Variants in CDH13 observed in about 807,000 individuals in gnomAD.
CDH13 encodes the protein cadherin 13.
A neutral mutation model predicts 63.8 loss-of-function variants in CDH13; 24 were observed. The ratio of observed to expected loss-of-function variants is 0.38; its 90% CI spans 0.27 to 0.53. The LOEUF (loss-of-function observed/expected upper bound fraction) is 0.53, where lower values mean the gene tolerates loss of function less well. Among genes scored for constraint, CDH13 ranks in the 20% least tolerant of loss-of-function variants. The pLI is 0.85. For missense variants in CDH13, 1,049 were observed against 903.1 expected (o/e 1.16, Z -2.07); for synonymous variants, 503 against 355.3 (o/e 1.42, Z -4.67).
chr16:83,180,263 T>C (rs989696257), intron 4 of CDH13, among the ~76,000 whole-genome samples: 4 of 152,212 alleles, frequency 2.6e-5, no homozygotes, highest in Non-Finnish European at 5.9e-5. Flanking sequence ...GGTAACTTTA[T>C]TTTTGCTATT....
intron 3 of CDH13, among the ~76,000 whole-genome samples, chr16:83,035,998 G>C (rs1371678576): frequency 1.3e-5 from 2 of 152,130 alleles, no homozygotes; most frequent in Admixed American, 6.5e-5. Context: ...AGCTGTTACT[G>C]TTACTGGTGC....
chr16:82,695,503 C>T (rs1389785022), intron 1 of CDH13, among the ~76,000 whole-genome samples: 1 of 152,164 alleles, frequency 6.6e-6, no homozygotes, highest in African/African-American at 2.4e-5. Context: ...AAGGACTTCA[C>T]CTCTTGTCTG....
At chr16:82,704,919 A>G in intron 1 of CDH13, 2 of 330,734 alleles carry the variant, frequency 6.0e-6, no homozygotes, top group Admixed American at 4.2e-5. Flanking sequence ...GTTAATTGTA[A>G]CAAATCAAGC....
intron 3 of CDH13, among the ~76,000 whole-genome samples, chr16:83,070,515 T>G (rs1168319083): frequency 6.6e-6 from 1 of 152,216 alleles, no homozygotes. Flanking sequence ...TCCATTCTTT[T>G]TAATAGCCTT....
chr16:83,145,210 G>T (rs1458975314), intron 4 of CDH13, among the ~76,000 whole-genome samples: 1 of 152,188 alleles, frequency 6.6e-6, no homozygotes, highest in Non-Finnish European at 1.5e-5. Context: ...GCCATGAGCT[G>T]CAACGCCACC....
chr16:82,966,365 T>C, intron 2 of CDH13, among the ~76,000 whole-genome samples: 1 of 152,080 alleles, frequency 6.6e-6, no homozygotes, highest in Non-Finnish European at 1.5e-5. Context: ...GCTAGGATGG[T>C]CTCGATTTCC....
At chr16:83,236,238 C>CACACACAA (rs1491457062) in intron 5 of CDH13, among the ~76,000 whole-genome samples, 8 of 100 alleles carry the variant, frequency 0.08, no homozygotes, top group East Asian at 0.5. Context: ...CACGCACATG[C>CACACACAA]ACACACACAC....
chr16:83,124,276 C>G (rs985835090), intron 3 of CDH13, among the ~76,000 whole-genome samples: 1 of 152,140 alleles, frequency 6.6e-6, no homozygotes, highest in African/African-American at 2.4e-5. Context: ...GAACTCCTGA[C>G]CTCAGGAGAT....
intron 5 of CDH13, among the ~76,000 whole-genome samples, chr16:83,277,419 G>A (rs2089026937): frequency 6.6e-6 from 1 of 152,032 alleles, no homozygotes; most frequent in Admixed American, 6.6e-5. Context: ...TGGGGCCCAG[G>A]GAATCTGCAT....
At chr16:83,623,858 C>T (rs78867463) in intron 8 of CDH13, among the ~76,000 whole-genome samples, 1,829 of 152,316 alleles carry the variant, frequency 0.012, 45 homozygotes, top group African/African-American at 0.042. Context: ...AATCAGTTAG[C>T]GGAAGCCTAA....
At chr16:83,489,168 T>C (rs1048282927) in intron 7 of CDH13, among the ~76,000 whole-genome samples, 3 of 152,242 alleles carry the variant, frequency 2.0e-5, no homozygotes. Context: ...TAAGTCTCTA[T>C]TTATAAATCA....
chr16:83,625,262 G>A (rs1329598367), intron 8 of CDH13, among the ~76,000 whole-genome samples: 1 of 151,956 alleles, frequency 6.6e-6, no homozygotes, highest in Non-Finnish European at 1.5e-5. Flanking sequence ...CCAAAATGAC[G>A]GACCCTGTGT....
intron 4 of CDH13, among the ~76,000 whole-genome samples, chr16:83,215,136 G>C (rs1187999642): frequency 7.8e-6 from 1 of 128,106 alleles, no homozygotes. Flanking sequence ...GAGTGCAGTG[G>C]AGCAATCCCA....
At chr16:83,182,065 C>T (rs538975640) in intron 4 of CDH13, among the ~76,000 whole-genome samples, 1 of 152,182 alleles carries the variant, frequency 6.6e-6, no homozygotes, top group Non-Finnish European at 1.5e-5. Context: ...TGTGCATTGT[C>T]TGGTACTCAG....
chr16:83,528,552 C>T (rs764254002), intron 7 of CDH13, among the ~76,000 whole-genome samples: 8 of 152,082 alleles, frequency 5.3e-5, no homozygotes, highest in Non-Finnish European at 1.2e-4. Flanking sequence ...CACTTATCTT[C>T]ATGTATATAT....
At chr16:82,866,813 C>G (rs918557961) in intron 2 of CDH13, among the ~76,000 whole-genome samples, 5 of 152,154 alleles carry the variant, frequency 3.3e-5, no homozygotes, top group African/African-American at 9.6e-5. Context: ...GGGAAGAGCC[C>G]TTTATAAAAC....
At chr16:83,338,919 G>A (rs978319271) in intron 5 of CDH13, among the ~76,000 whole-genome samples, 1 of 152,198 alleles carries the variant, frequency 6.6e-6, no homozygotes, top group Non-Finnish European at 1.5e-5. Context: ...TTTTTCCTAA[G>A]AGTGATGAGA....
intron 4 of CDH13, among the ~76,000 whole-genome samples, chr16:83,179,577 G>A (rs1029019803): frequency 1.3e-5 from 2 of 151,698 alleles, no homozygotes; most frequent in African/African-American, 2.4e-5. Flanking sequence ...GAGTGAACCC[G>A]GGAGGTGGAG....
Position 83,760,042 on chromosome 16 carries a change from C to A in CDH13, c.1681+11792C>A, listed in dbSNP as rs148909647. Among the ~76,000 whole-genome samples, 500 of 150,584 alleles carry A rather than the reference C, an allele frequency of 3.3e-3. 3 individuals carry two copies. Among genetic ancestry groups the A allele is most frequent in the African/African-American group, 0.012 (484 of 41,094 alleles). On this transcript the variant is annotated intron_variant, in intron 11 of 13. Transcript: ENST00000567109. ...AACAAATACTTCACAGCAGAAAATA[C>A]ACAAATCCTAACAAATGTATGAAAA...
Sources: gnomAD v4.1 joint callset for allele counts (sites outside exome capture counted in the v4.1 genomes callset) on GRCh38, gnomAD v4.1.1 for gene constraint, MANE v1.5 for transcripts, NCBI Gene and HGNC (gene_info 2026-07-23, HGNC 2026-07-21) for gene names.